Variants in DNAL1 observed in about 807,000 individuals in gnomAD.
The protein encoded by DNAL1 is chromosome 14 open reading frame 168.
DNAL1 carries 17 observed loss-of-function variants against 29.4 expected under a neutral mutation model. That is an observed-to-expected ratio of 0.58 (90% confidence interval 0.40 to 0.87). DNAL1 has a LOEUF of 0.87. Ranked by LOEUF, DNAL1 falls within the 40% of genes least tolerant of loss-of-function variation. The pLI, the probability that DNAL1 is intolerant of heterozygous loss-of-function variation, is 0.00. For synonymous variants in DNAL1, 78 were observed against 76.3 expected, an observed-to-expected ratio of 1.02 and a Z score of -0.12; for missense variants, 188 against 214.1, an observed-to-expected ratio of 0.88 and a Z score of 0.76.
intron 1 of DNAL1, among the ~76,000 whole-genome samples, chr14:73,648,417 T>TATATATATATATATA (rs71112789): frequency 1.2e-4 from 16 of 132,796 alleles, no homozygotes; most frequent in Non-Finnish European, 2.1e-4. Context: ...TATATATATA[T>TATATATATATATATA]TTGTTGTTTG....
In DNAL1 at chr14:73,654,837, T is replaced by C. The variant is rs776047200; in HGVS notation, c.4-10T>C. On this transcript the variant is annotated splice_polypyrimidine_tract_variant and intron_variant, in intron 1 of 7. Coordinates refer to ENST00000553645, the MANE Select transcript of DNAL1 (RefSeq NM_031427.4). ...GTTTTTTCTTTTCTTTCTTTTTTTT[T>C]TTTTTAAAGGCGAAAGCAACAACAA... The C allele has an allele frequency of 5.3e-6, 8 of 1,515,520 alleles. No individual in the cohort carries two copies. Among genetic ancestry groups the C allele is most frequent in the Non-Finnish European group, 7.0e-6 (8 of 1,138,534 alleles). 93.9% of individuals were successfully genotyped at this position (1,515,520 alleles called of 1,614,324 possible).
At chr14:73,666,854 T>C (rs1190410426) in intron 4 of DNAL1, among the ~76,000 whole-genome samples, 2 of 152,226 alleles carry the variant, frequency 1.3e-5, no homozygotes, top group African/African-American at 4.8e-5. Context: ...TTTAGGATAC[T>C]GTCCCCCTTG....
At chr14:73,646,852 T>A (rs1430305002) in intron 1 of DNAL1, among the ~76,000 whole-genome samples, 1 of 152,158 alleles carries the variant, frequency 6.6e-6, no homozygotes, top group Non-Finnish European at 1.5e-5. Context: ...AACTGAAACT[T>A]GTTATGCAGC....
rs1892340086 is a variant in DNAL1 at position 73,697,903 on chromosome 14, G to A, written c.*1961G>A. 1 of 152,084 alleles carries A rather than the reference G, an allele frequency of 6.6e-6. No individual in the cohort carries two copies. Among genetic ancestry groups the A allele is most frequent in the Non-Finnish European group, 1.5e-5 (1 of 68,026 alleles). The allele number at this position is 152,084 out of a possible 1,614,324, so 9.4% of individuals were successfully genotyped here. A position where few individuals can be genotyped will look rare whatever the true frequency, so the allele number is the denominator to read the frequency against. ...ATTTCTTTTATGAACCATAGGCAAT[G>A]AGCCTTCATTCTCCTTGGTGATGTT... On this transcript the variant is annotated 3_prime_UTR_variant, in exon 8 of 8. Transcript: ENST00000553645.
chr14:73,654,269 C>T (rs1891163210), intron 1 of DNAL1, among the ~76,000 whole-genome samples: 1 of 151,984 alleles, frequency 6.6e-6, no homozygotes, highest in Non-Finnish European at 1.5e-5. Context: ...TTTTTGTAAA[C>T]CAAGTGGGAG....
intron 7 of DNAL1, among the ~76,000 whole-genome samples, chr14:73,692,030 C>T (rs1355077657): frequency 6.9e-6 from 1 of 144,904 alleles, no homozygotes; most frequent in African/African-American, 2.5e-5. Flanking sequence ...CAGAGCCTTG[C>T]TCTGTCACCC....
chr14:73,648,139 G>A (rs1031054726), intron 1 of DNAL1, among the ~76,000 whole-genome samples: 4 of 151,590 alleles, frequency 2.6e-5, no homozygotes, highest in East Asian at 1.9e-4. Flanking sequence ...CACCACGCCC[G>A]GCTAATTTTT....
At chr14:73,689,316 A>C in intron 6 of DNAL1, 59 bp from the exon 7 acceptor site, 1 of 1,542,160 alleles carries the variant, frequency 6.5e-7, no homozygotes, top group South Asian at 1.2e-5. Flanking sequence ...ACAGGCGTGG[A>C]CCACCGCACC....
chr14:73,670,408 T>G (rs1456303751), intron 4 of DNAL1, among the ~76,000 whole-genome samples: 3 of 152,148 alleles, frequency 2.0e-5, no homozygotes, highest in African/African-American at 7.2e-5. Context: ...GACAAAGAAG[T>G]TATAGATGTT....
At chr14:73,687,444 A>G (rs1275912361) in intron 6 of DNAL1, 59 bp downstream of exon 6, 2 of 1,457,422 alleles carry the variant, frequency 1.4e-6, no homozygotes, top group East Asian at 2.4e-5. Flanking sequence ...AAATAGTCCG[A>G]GAGGGAAAAG....
chr14:73,654,982 G>T (rs1277941918), intron 2 of DNAL1, 97 bp downstream of exon 2: 15 of 1,223,284 alleles, frequency 1.2e-5, no homozygotes, highest in African/African-American at 1.6e-5. Flanking sequence ...GATCCTTTTG[G>T]TATTGGAACT....
intron 5 of DNAL1, among the ~76,000 whole-genome samples, chr14:73,686,930 A>C (rs1421953549): frequency 6.6e-6 from 1 of 152,100 alleles, no homozygotes; most frequent in Non-Finnish European, 1.5e-5. Flanking sequence ...TGAAAACCGT[A>C]CCATTAATGA....
Position 73,703,359 on chromosome 14 carries a change from G to C in DNAL1, c.*7417G>C, listed in dbSNP as rs1892482148. ...ATAACTGTCAGACCTCTGAGCCCAA[G>C]CTAAGCCATCGCATCCCCTGTGACT... On this transcript the variant is annotated 3_prime_UTR_variant, in exon 8 of 8. Coordinates refer to ENST00000553645, the MANE Select transcript of DNAL1 (RefSeq NM_031427.4). The C allele has an allele frequency of 6.6e-6, 1 of 152,212 alleles. No homozygotes were observed. Among genetic ancestry groups the C allele is most frequent in the South Asian group, 2.1e-4 (1 of 4,864 alleles). 9.4% of individuals were successfully genotyped at this position (152,212 alleles called of 1,614,324 possible).
At chr14:73,661,797 A>C (rs1474407901) in intron 3 of DNAL1, among the ~76,000 whole-genome samples, 190 bp from the exon 4 acceptor site, 1 of 152,194 alleles carries the variant, frequency 6.6e-6, no homozygotes, top group Admixed American at 6.5e-5. Context: ...GATTTTTTCA[A>C]ATTTTTAATG....
intron 5 of DNAL1, among the ~76,000 whole-genome samples, chr14:73,675,755 C>T (rs576997861): frequency 7.1e-4 from 108 of 152,192 alleles, no homozygotes; most frequent in African/African-American, 2.4e-3. Context: ...CAGTGGCTCA[C>T]GCCTGTAATC....
intron 1 of DNAL1, 116 bp from the exon 2 acceptor site, chr14:73,654,731 C>A (rs570735237): frequency 4.2e-6 from 4 of 961,668 alleles, no homozygotes; most frequent in Non-Finnish European, 5.8e-6. Context: ...TGCACTCCAG[C>A]CTGGGTGACA....
chr14:73,669,288 T>A (rs1425878047), intron 4 of DNAL1, among the ~76,000 whole-genome samples: 1 of 151,916 alleles, frequency 6.6e-6, no homozygotes, highest in Non-Finnish European at 1.5e-5. Flanking sequence ...CCAGCTAAAC[T>A]TTTTTTTGAG....
At chr14:73,692,171 C>G (rs550795838) in intron 7 of DNAL1, among the ~76,000 whole-genome samples, 1 of 151,844 alleles carries the variant, frequency 6.6e-6, no homozygotes, top group Non-Finnish European at 1.5e-5. Context: ...ACGTAGAAAG[C>G]GAACCTCTTC....
intron 7 of DNAL1, 83 bp from the exon 8 acceptor site, chr14:73,695,819 G>A (rs556147921): frequency 1.7e-5 from 21 of 1,247,148 alleles, no homozygotes; most frequent in African/African-American, 6.0e-5. Flanking sequence ...GTGAGCCACC[G>A]TGCCCGGCCA....
Sources: gnomAD v4.1 joint callset for allele counts (sites outside exome capture counted in the v4.1 genomes callset) on GRCh38, gnomAD v4.1.1 for gene constraint, MANE v1.5 for transcripts, NCBI Gene and HGNC (gene_info 2026-07-23, HGNC 2026-07-21) for gene names.